AGFG1: variants seen among roughly 807,000 people sequenced by gnomAD.
AGFG1 encodes the protein arf-GAP domain and FG repeat-containing protein 1.
A neutral mutation model predicts 60.6 loss-of-function variants in AGFG1; 10 were observed. That is an observed-to-expected ratio of 0.16 (90% CI 0.10 to 0.28). AGFG1 has a LOEUF of 0.28. Ranked by LOEUF, AGFG1 falls within the 10% of genes least tolerant of loss-of-function variation. AGFG1 has a pLI of 1.00. For missense variants in AGFG1, 537 were observed against 676.5 expected (o/e 0.79, Z 2.29); for synonymous variants, 247 against 242.9 (o/e 1.02, Z -0.16).
chr2:227,545,464 G>C (rs1230824812), intron 10 of AGFG1, among the ~76,000 whole-genome samples: 1 of 152,198 alleles, frequency 6.6e-6, no homozygotes. Flanking sequence ...ACTTCTGTCA[G>C]TTCGTCTAAA....
At chr2:227,484,693 T>G (rs1352478463) in intron 1 of AGFG1, among the ~76,000 whole-genome samples, 37 of 4,590 alleles carry the variant, frequency 8.1e-3, no homozygotes, top group African/African-American at 0.027. Context: ...TTTTTGTTTT[T>G]TTTTTTTTTT....
At chr2:227,494,193 C>T (rs58479254) in intron 2 of AGFG1, among the ~76,000 whole-genome samples, 3,665 of 152,216 alleles carry the variant, frequency 0.024, 60 homozygotes, top group South Asian at 0.05. Context: ...GATGAAGATA[C>T]GAAGTGTGGG....
intron 8 of AGFG1, 92 bp from the exon 9 acceptor site, chr2:227,536,533 C>A: frequency 1.0e-6 from 1 of 997,730 alleles, no homozygotes. Context: ...CTGTGATACA[C>A]GATATGTTCA....
rs1692218209 is a variant in AGFG1 at position 227,533,396 on chromosome 2, TC to T, written c.815-152del. ...TCTACTTTTACAAAATTGGAAAACG[TC>T]ACTTGTAGTCAAAAGCCATTGCCAG... On this transcript the variant is annotated intron_variant, in intron 6 of 12. Coordinates refer to ENST00000310078, the MANE Select transcript of AGFG1 (RefSeq NM_004504.5). Among the ~76,000 whole-genome samples the T allele has an allele frequency of 2.0e-5, 3 of 152,290 alleles. No homozygotes were observed. In the South Asian group the frequency reaches 6.2e-4, roughly 32 times the overall value.
intron 1 of AGFG1, among the ~76,000 whole-genome samples, chr2:227,479,378 A>C (rs1690388271): frequency 6.6e-6 from 1 of 152,232 alleles, no homozygotes; most frequent in Non-Finnish European, 1.5e-5. Flanking sequence ...GATAAAATAC[A>C]GTTTAGATTA....
intron 5 of AGFG1, 104 bp downstream of exon 5, chr2:227,525,019 A>G: frequency 7.3e-7 from 1 of 1,373,920 alleles, no homozygotes; most frequent in African/African-American, 1.4e-5. Context: ...TTTTTGTTGA[A>G]AATGTTTTGT....
chr2:227,500,620 T>A (rs917430031), intron 2 of AGFG1, among the ~76,000 whole-genome samples: 1 of 152,156 alleles, frequency 6.6e-6, no homozygotes, highest in Non-Finnish European at 1.5e-5. Flanking sequence ...TACATAAAAG[T>A]TGAAAAATTA....
intron 2 of AGFG1, among the ~76,000 whole-genome samples, chr2:227,500,820 T>G (rs1339726407): frequency 6.6e-6 from 1 of 152,092 alleles, no homozygotes; most frequent in Non-Finnish European, 1.5e-5. Context: ...GAGACAGAGT[T>G]TCGCTCTTGT....
chr2:227,498,719 T>C (rs1164373579), intron 2 of AGFG1, among the ~76,000 whole-genome samples: 1 of 152,226 alleles, frequency 6.6e-6, no homozygotes, highest in Non-Finnish European at 1.5e-5. Flanking sequence ...CGTGGGTCTT[T>C]TTGAATGACA....
chr2:227,552,600 TATTTC>T (rs1692852167), intron 11 of AGFG1, among the ~76,000 whole-genome samples: 1 of 152,124 alleles, frequency 6.6e-6, no homozygotes, highest in Non-Finnish European at 1.5e-5. Flanking sequence ...CATTTTTACG[TATTTC>T]ATTTGCTTCA....
intron 2 of AGFG1, among the ~76,000 whole-genome samples, chr2:227,501,526 A>G (rs1691155802): frequency 1.3e-5 from 2 of 152,210 alleles, no homozygotes; most frequent in South Asian, 2.1e-4. Context: ...GCCCTATACA[A>G]ATATACACAT....
At chr2:227,472,931 C>T (rs1392090108) in intron 1 of AGFG1, among the ~76,000 whole-genome samples, 7 of 150,484 alleles carry the variant, frequency 4.7e-5, no homozygotes, top group East Asian at 2.0e-4. Flanking sequence ...CGCCCTCGCT[C>T]TCCAGCTACC....
At position 227,560,547 on chromosome 2, in the gene AGFG1, T is replaced by C. The variant is rs1207577680; in HGVS notation, c.*6052T>C. ...CTATTTTGCACCTTAATTTTTTCAT[T>C]GTCCCTACTCATGACTCTAAAAAGT... On this transcript the variant is annotated 3_prime_UTR_variant, in exon 13 of 13. Transcript: ENST00000310078. 1 of 152,188 alleles carries C rather than the reference T, an allele frequency of 6.6e-6. No homozygotes were observed. The highest frequency in any genetic ancestry group is 1.5e-5 in the Non-Finnish European group (1 of 67,990). 9.4% of individuals were successfully genotyped at this position (152,188 alleles called of 1,614,324 possible). A position where few individuals can be genotyped will look rare whatever the true frequency, so the allele number is the denominator to read the frequency against.
intron 2 of AGFG1, among the ~76,000 whole-genome samples, chr2:227,494,682 A>C (rs1201083782): frequency 4.6e-5 from 7 of 152,204 alleles, no homozygotes; most frequent in Admixed American, 4.6e-4. Context: ...ATATGCTATG[A>C]ATGTTCCTCC....
At chr2:227,506,103 A>C (rs1691304464) in intron 2 of AGFG1, among the ~76,000 whole-genome samples, 1 of 152,178 alleles carries the variant, frequency 6.6e-6, no homozygotes, top group African/African-American at 2.4e-5. Flanking sequence ...CTTATTCTAA[A>C]ATCTTTATCA....
At chr2:227,533,792 G>A (rs1692229477) in intron 7 of AGFG1, 34 bp downstream of exon 7, 12 of 1,554,616 alleles carry the variant, frequency 7.7e-6, no homozygotes, top group Non-Finnish European at 9.7e-6. Context: ...ATACAAATTT[G>A]TGTTAAACAG....
At chr2:227,498,634 G>A (rs966222896) in intron 2 of AGFG1, among the ~76,000 whole-genome samples, 1 of 152,132 alleles carries the variant, frequency 6.6e-6, no homozygotes, top group Non-Finnish European at 1.5e-5. Context: ...GATGTTAACT[G>A]TTGGCTTTCA....
intron 10 of AGFG1, among the ~76,000 whole-genome samples, chr2:227,549,743 T>C (rs1008204076): frequency 6.6e-6 from 1 of 152,240 alleles, no homozygotes; most frequent in African/African-American, 2.4e-5. Context: ...TTATGATGCC[T>C]ACAAAGCATT....
At chr2:227,489,468 C>T (rs952112233) in intron 1 of AGFG1, among the ~76,000 whole-genome samples, 1 of 152,026 alleles carries the variant, frequency 6.6e-6, no homozygotes, top group Admixed American at 6.5e-5. Flanking sequence ...GTGATATGCC[C>T]ACCTTGGCCT....
Sources: gnomAD v4.1 joint callset for allele counts (sites outside exome capture counted in the v4.1 genomes callset) on GRCh38, gnomAD v4.1.1 for gene constraint, MANE v1.5 for transcripts, NCBI Gene and HGNC (gene_info 2026-07-23, HGNC 2026-07-21) for gene names.